The following BCHE variants were observed in gnomAD, a reference collection of about 807,000 sequenced individuals.
BCHE encodes cholinesterase.
Under a neutral mutation model 51.3 loss-of-function variants are expected in BCHE, and 48 were observed. That is an observed-to-expected ratio of 0.94 (90% confidence interval 0.74 to 1.19). BCHE has a LOEUF of 1.19. Among genes scored for constraint, BCHE ranks in the 50% most tolerant of loss-of-function variants. The pLI, the probability that BCHE is intolerant of heterozygous loss-of-function variation, is 0.00. For missense variants in BCHE, 847 were observed against 708.2 expected (o/e 1.20, Z -2.23); for synonymous variants, 251 against 238.0 (o/e 1.05, Z -0.50).
intron 3 of BCHE, among the ~76,000 whole-genome samples, chr3:165,774,574 A>G (rs1398383278): frequency 2.0e-5 from 3 of 152,192 alleles, no homozygotes; most frequent in East Asian, 3.9e-4. Flanking sequence ...TCCTGACCTC[A>G]GGTGATCCAC....
At chr3:165,778,409 G>A (rs762908210) in intron 3 of BCHE, 11 of 174,862 alleles carry the variant, frequency 6.3e-5, no homozygotes, top group Non-Finnish European at 1.0e-4. Flanking sequence ...AGAATAACTC[G>A]TGAATATAGT....
chr3:165,809,119 A>AT (rs1713981916), intron 2 of BCHE, among the ~76,000 whole-genome samples: 1 of 152,098 alleles, frequency 6.6e-6, no homozygotes, highest in Non-Finnish European at 1.5e-5. Flanking sequence ...ATATTATTAA[A>AT]TTTTTTAATG....
At chr3:165,811,147 C>T (rs1268449075) in intron 2 of BCHE, among the ~76,000 whole-genome samples, 1 of 151,950 alleles carries the variant, frequency 6.6e-6, no homozygotes, top group Non-Finnish European at 1.5e-5. Flanking sequence ...AATATAAACA[C>T]CCAAGAATCG....
chr3:165,783,243 C>T (rs1488943927), intron 3 of BCHE, among the ~76,000 whole-genome samples: 3 of 152,048 alleles, frequency 2.0e-5, no homozygotes, highest in Non-Finnish European at 2.9e-5. Flanking sequence ...AAATCTCAAT[C>T]ATTAATTGTT....
At chr3:165,836,344 G>C (rs1195164616) in intron 1 of BCHE, among the ~76,000 whole-genome samples, 2 of 151,986 alleles carry the variant, frequency 1.3e-5, no homozygotes, top group South Asian at 4.1e-4. Flanking sequence ...TGTATTTATT[G>C]TAACTATGAG....
intron 1 of BCHE, among the ~76,000 whole-genome samples, chr3:165,833,857 G>A (rs182678897): frequency 6.6e-5 from 10 of 152,060 alleles, no homozygotes; most frequent in African/African-American, 1.9e-4. Context: ...CTGATTGGGC[G>A]GTTCGTTCTA....
chr3:165,817,526 C>T (rs368321629), intron 2 of BCHE, among the ~76,000 whole-genome samples: 3 of 152,088 alleles, frequency 2.0e-5, no homozygotes, highest in East Asian at 1.9e-4. Flanking sequence ...CTATTCCAGC[C>T]GCACTATCTT....
chr3:165,817,907 A>C (rs191282149), intron 2 of BCHE, among the ~76,000 whole-genome samples: 52 of 152,190 alleles, frequency 3.4e-4, no homozygotes, highest in African/African-American at 1.3e-3. Flanking sequence ...CTTTACCCTC[A>C]AAGGCCTTAC....
At chr3:165,786,432 A>G (rs55781031) in intron 2 of BCHE, 121 bp from the exon 3 acceptor site, 58,449 of 926,388 alleles carry the variant, frequency 0.063, 2,298 homozygotes, top group Non-Finnish European at 0.074. Context: ...AAATGTGGAT[A>G]TATATTGATG....
At chr3:165,794,135 T>C (rs1290297510) in intron 2 of BCHE, among the ~76,000 whole-genome samples, 1 of 151,986 alleles carries the variant, frequency 6.6e-6, no homozygotes, top group African/African-American at 2.4e-5. Flanking sequence ...ATAAAATGAG[T>C]TTAATATCCA....
chr3:165,788,058 T>C (rs942777256), intron 2 of BCHE, among the ~76,000 whole-genome samples: 1 of 152,044 alleles, frequency 6.6e-6, no homozygotes, highest in Non-Finnish European at 1.5e-5. Flanking sequence ...ATCATTCAGA[T>C]ACCTTCTGTA....
intron 1 of BCHE, among the ~76,000 whole-genome samples, chr3:165,832,862 G>A (rs1056191271): frequency 6.6e-6 from 1 of 152,032 alleles, no homozygotes; most frequent in Non-Finnish European, 1.5e-5. Context: ...TGTCCCAGAC[G>A]TAGGGTATCA....
At chr3:165,836,908 A>G (rs897959981) in intron 1 of BCHE, among the ~76,000 whole-genome samples, 36 of 152,170 alleles carry the variant, frequency 2.4e-4, no homozygotes, top group Non-Finnish European at 2.9e-5. Flanking sequence ...TCCCATTTAA[A>G]AAGAAAAAAA....
chr3:165,809,251 G>C (rs570348788), intron 2 of BCHE, among the ~76,000 whole-genome samples: 2 of 152,146 alleles, frequency 1.3e-5, no homozygotes, highest in South Asian at 4.1e-4. Flanking sequence ...GGATTGGATG[G>C]ACAACATTAA....
At chr3:165,815,993 ATTG>A (rs1342681888) in intron 2 of BCHE, among the ~76,000 whole-genome samples, 1 of 151,894 alleles carries the variant, frequency 6.6e-6, no homozygotes, top group African/African-American at 2.4e-5. Context: ...TTCTTAGAAA[ATTG>A]TTGTTTCTGA....
chr3:165,801,903 C>A (rs905857237), intron 2 of BCHE, among the ~76,000 whole-genome samples: 4 of 152,166 alleles, frequency 2.6e-5, no homozygotes, highest in African/African-American at 9.7e-5. Context: ...CTTTCATCCA[C>A]AATATCTTGC....
intron 3 of BCHE, among the ~76,000 whole-genome samples, chr3:165,782,896 G>A (rs1347837676): frequency 2.0e-5 from 3 of 151,796 alleles, no homozygotes; most frequent in East Asian, 1.9e-4. Context: ...TTTTAAACAG[G>A]CTTTTTCTCC....
chr3:165,812,794 C>T (rs1005743496), intron 2 of BCHE, among the ~76,000 whole-genome samples: 1 of 151,844 alleles, frequency 6.6e-6, no homozygotes, highest in Non-Finnish European at 1.5e-5. Context: ...ATACTCTAAT[C>T]GTGTGTGAGT....
chr3:165,816,843 A>G (rs1022539803), intron 2 of BCHE, among the ~76,000 whole-genome samples: 4 of 151,944 alleles, frequency 2.6e-5, no homozygotes, highest in African/African-American at 9.7e-5. Flanking sequence ...TGTTTTATCT[A>G]AAACCTCCGT....
Sources: allele counts gnomAD v4.1 joint callset (sites outside exome capture counted in the v4.1 genomes callset), GRCh38; gene constraint gnomAD v4.1.1; transcripts MANE v1.5; gene names NCBI Gene and HGNC (gene_info 2026-07-23, HGNC 2026-07-21).